The following CFAP54 variants were observed in gnomAD, a reference collection of about 807,000 sequenced individuals.
CFAP54 encodes the protein cilia- and flagella-associated protein 54.
A neutral mutation model predicts 370.4 loss-of-function variants in CFAP54; 290 were observed. The ratio of observed to expected loss-of-function variants is 0.78; its 90% CI spans 0.71 to 0.86. CFAP54 has a LOEUF of 0.86. CFAP54 is among the 40% of genes least tolerant of loss of function. The pLI is 0.00. For missense variants in CFAP54, 3,399 were observed against 3,528.7 expected (o/e 0.96, Z 0.93); for synonymous variants, 1,206 against 1,236.5 (o/e 0.98, Z 0.52).
At chr12:96,732,110 T>TTGTG (rs34235358) in intron 50 of CFAP54, among the ~76,000 whole-genome samples, 22 of 148,970 alleles carry the variant, frequency 1.5e-4, no homozygotes, top group South Asian at 4.3e-4. Flanking sequence ...GTGTGTGTGT[T>TTGTG]TGTGTGTGTG....
At chr12:96,735,126 G>T (rs983756243) in intron 50 of CFAP54, among the ~76,000 whole-genome samples, 1 of 152,192 alleles carries the variant, frequency 6.6e-6, no homozygotes, top group Non-Finnish European at 1.5e-5. Context: ...AATATTCCCT[G>T]ATAGGTTCTC....
chr12:96,683,338 A>G (rs1035029275), intron 40 of CFAP54, among the ~76,000 whole-genome samples: 3 of 152,222 alleles, frequency 2.0e-5, no homozygotes, highest in African/African-American at 7.2e-5. Context: ...TGGTGACTCA[A>G]ATACTATCAA....
At chr12:96,750,910 A>T (rs1003124260) in intron 55 of CFAP54, among the ~76,000 whole-genome samples, 2 of 152,216 alleles carry the variant, frequency 1.3e-5, no homozygotes, top group African/African-American at 2.4e-5. Flanking sequence ...TATTTACTGG[A>T]AAAAGGAGCA....
chr12:96,774,421 G>A (rs567342069), intron 60 of CFAP54, among the ~76,000 whole-genome samples: 1 of 152,148 alleles, frequency 6.6e-6, no homozygotes, highest in Non-Finnish European at 1.5e-5. Context: ...AATATGTAAA[G>A]TGTGACAAGC....
intron 50 of CFAP54, among the ~76,000 whole-genome samples, chr12:96,729,694 C>T (rs186027356): frequency 6.6e-6 from 1 of 152,242 alleles, no homozygotes; most frequent in Non-Finnish European, 1.5e-5. Context: ...GCTGCACCCA[C>T]TGTCCTGCGC....
intron 32 of CFAP54, among the ~76,000 whole-genome samples, chr12:96,637,665 A>G (rs1054345414): frequency 6.6e-5 from 10 of 152,366 alleles, no homozygotes; most frequent in Admixed American, 1.3e-4. Context: ...TTTTATTACA[A>G]TGCAATTAAG....
intron 26 of CFAP54, among the ~76,000 whole-genome samples, chr12:96,604,300 T>C (rs1305577639): frequency 2.6e-5 from 4 of 152,200 alleles, no homozygotes; most frequent in Non-Finnish European, 4.4e-5. Flanking sequence ...ACAGCAAATA[T>C]TGCTGCCTGA....
At chr12:96,566,382 A>G (rs1355061349) in intron 19 of CFAP54, among the ~76,000 whole-genome samples, 3 of 152,324 alleles carry the variant, frequency 2.0e-5, no homozygotes, top group East Asian at 1.9e-4. Flanking sequence ...TTGGAGACCA[A>G]GAATTTTTAG....
intron 63 of CFAP54, 140 bp downstream of exon 63, chr12:96,792,639 G>A: frequency 1.8e-6 from 1 of 547,786 alleles, no homozygotes. Context: ...TTGTCTAGTA[G>A]AATAAATTTG....
chr12:96,517,331 T>A (rs912559449), intron 5 of CFAP54, among the ~76,000 whole-genome samples: 49 of 152,154 alleles, frequency 3.2e-4, no homozygotes, highest in African/African-American at 1.2e-3. Context: ...ACTTTTAAGA[T>A]CTCTTCTGGC....
At position 96,581,026 on chromosome 12, in the gene CFAP54, G is replaced by T. The variant is rs1431883366; in HGVS notation, c.2996G>T (p.Gly999Val). Reference protein sequence around the residue: ...AYSNNGKLVGGAIGETTKPIL... With the variant: ...AYSNNGKLVGVAIGETTKPIL... ...TCTAACAACGGAAAGCTTGTCGGTG[G>T]TGCTATTGGGGAGACAACTAAACCA... Residue 999 changes from glycine (G) to valine (V), a missense_variant, in exon 22 of 68, where the codon GGT (glycine) becomes GTT (valine). Physicochemically the swap from Gly to Val is moderately radical, Grantham distance 109 (BLOSUM62 -3). Transcript: ENST00000524981. 4.6e-6 allele frequency: 7 copies of T among 1,533,924 alleles called. No individual in the cohort carries two copies. The highest frequency in any genetic ancestry group is 2.4e-5 in the East Asian group (1 of 40,828).
intron 32 of CFAP54, among the ~76,000 whole-genome samples, chr12:96,642,715 G>A (rs993688942): frequency 1.3e-5 from 2 of 152,114 alleles, no homozygotes; most frequent in South Asian, 2.1e-4. Flanking sequence ...TTTAATTCGG[G>A]TGTTTATCTG....
At chr12:96,585,947 A>G (rs764896251) in intron 22 of CFAP54, among the ~76,000 whole-genome samples, 1 of 152,042 alleles carries the variant, frequency 6.6e-6, no homozygotes, top group Non-Finnish European at 1.5e-5. Flanking sequence ...CACACTTTGG[A>G]TGGGGGCCCA....
intron 24 of CFAP54, 43 bp downstream of exon 24, chr12:96,592,680 AT>A (rs1956138572): frequency 7.4e-6 from 5 of 671,752 alleles, no homozygotes; most frequent in East Asian, 3.5e-5. Flanking sequence ...GATTCACTGT[AT>A]TTTTTTCTTG....
At chr12:96,720,626 A>G in intron 50 of CFAP54, 61 bp downstream of exon 50, 1 of 1,225,586 alleles carries the variant, frequency 8.2e-7, no homozygotes, top group Non-Finnish European at 1.0e-6. Flanking sequence ...ACCCTAGTTT[A>G]TTAAATAGAC....
In CFAP54 at chr12:96,581,009, CG is replaced by C; in HGVS notation, c.2981del (p.Gly994GlufsTer30). 6.5e-7 allele frequency: 1 copy of C among 1,533,052 alleles called. No homozygotes were observed. The highest frequency in any genetic ancestry group is 2.5e-5 in the East Asian group (1 of 40,742). 95.0% of individuals were successfully genotyped at this position (1,533,052 alleles called of 1,614,324 possible). A position where few individuals can be genotyped will look rare whatever the true frequency, so the allele number is the denominator to read the frequency against. ...TTGCAGTTGCTGCCTATTCTAACAA[CG>C]GAAAGCTTGTCGGTGGTGCTATTGG... ...VFAVAAYSNN[G>X]KLVGGAIGET... On this transcript the variant is annotated frameshift_variant, in exon 22 of 68. Transcript: ENST00000524981. LOFTEE classifies it high-confidence loss of function.
intron 42 of CFAP54, among the ~76,000 whole-genome samples, chr12:96,687,832 T>G (rs1358893280): frequency 6.6e-6 from 1 of 152,158 alleles, no homozygotes; most frequent in Non-Finnish European, 1.5e-5. Flanking sequence ...AGGAACAGCT[T>G]GGAAAGGAAC....
intron 15 of CFAP54, among the ~76,000 whole-genome samples, chr12:96,551,832 C>T (rs1193668307): frequency 6.6e-6 from 1 of 152,160 alleles, no homozygotes; most frequent in Non-Finnish European, 1.5e-5. Context: ...AAAAGCAGCC[C>T]TTTAATAGTG....
chr12:96,608,682 G>A (rs1001250785), intron 26 of CFAP54, among the ~76,000 whole-genome samples: 34 of 151,634 alleles, frequency 2.2e-4, no homozygotes, highest in Admixed American at 2.1e-3. Flanking sequence ...GGCTGGTCTC[G>A]AACTTCAGAC....
Sources: allele counts gnomAD v4.1 joint callset (sites outside exome capture counted in the v4.1 genomes callset), GRCh38; gene constraint gnomAD v4.1.1; transcripts MANE v1.5; gene names NCBI Gene and HGNC (gene_info 2026-07-23, HGNC 2026-07-21).